Variants in BCAS3 observed in about 807,000 individuals in gnomAD.
BCAS3 encodes BCAS4/BCAS3 fusion.
In BCAS3, 53 loss-of-function variants were observed where a neutral mutation model predicts 116.1. That is an observed-to-expected ratio of 0.46 (90% CI 0.37 to 0.57). The LOEUF (loss-of-function observed/expected upper bound fraction) is 0.57. BCAS3 is among the 20% of genes least tolerant of loss of function. BCAS3 has a pLI of 0.00. For synonymous variants in BCAS3, 391 were observed against 408.2 expected, an observed-to-expected ratio of 0.96 and a Z score of 0.51; for missense variants, 917 against 1,165.4, an observed-to-expected ratio of 0.79 and a Z score of 3.10.
In BCAS3 at chr17:61,380,572, G is replaced by T. The variant is rs377743260; in HGVS notation, c.2594-11405G>T. 2 of 1,597,370 alleles carry T rather than the reference G, an allele frequency of 1.3e-6. No individual in the cohort carries two copies. The highest frequency in any genetic ancestry group is 1.7e-5 in the Admixed American group (1 of 59,980). On this transcript the variant is annotated intron_variant, in intron 23 of 23. Transcript: ENST00000407086. The surrounding 1 kb of genome is among the most constrained non-coding windows in gnomAD (Gnocchi z 4.2). ...AGACACGTGGCAGTGAAGTGTTTTGGTATGTAACGTCCTATCTTTGCCTAT... is the reference window on the plus strand; with the variant it reads ...AGACACGTGGCAGTGAAGTGTTTTGTTATGTAACGTCCTATCTTTGCCTAT...
rs1277948044 is a variant in BCAS3 at position 61,265,259 on chromosome 17, C to T, written c.2426-103068C>T. ...AGAAACCCTGTCTCTGCTAAAAATACAAAATTAGCCGGCATGGTGGCGCAT... is the reference window on the plus strand; with the variant it reads ...AGAAACCCTGTCTCTGCTAAAAATATAAAATTAGCCGGCATGGTGGCGCAT... On this transcript the variant is annotated intron_variant, in intron 22 of 23. Coordinates refer to ENST00000407086, the MANE Select transcript of BCAS3 (RefSeq NM_017679.5). The surrounding 1 kb of genome is among the most constrained non-coding windows in gnomAD (Gnocchi z 4.3). 1.3e-5 allele frequency among the ~76,000 whole-genome samples: 2 copies of T among 152,046 alleles called. No homozygotes were observed. The highest frequency in any genetic ancestry group is 2.1e-4 in the South Asian group (1 of 4,830).
In BCAS3 at chr17:60,901,694, A is replaced by T. The variant is rs180831105; in HGVS notation, c.739-926A>T. Among the ~76,000 whole-genome samples the T allele has an allele frequency of 7.9e-5, 12 of 152,334 alleles. 1 individual carries two copies. In the East Asian group the frequency reaches 2.3e-3, roughly 29 times the overall value. ...GTGATGAAGAAAATTTTGAATTAAGAATAAAAGGATTACATATCAGTCTTC... is the reference window on the plus strand; with the variant it reads ...GTGATGAAGAAAATTTTGAATTAAGTATAAAAGGATTACATATCAGTCTTC... On this transcript the variant is annotated intron_variant, in intron 10 of 23. Transcript: ENST00000407086.
intron 6 of BCAS3, among the ~76,000 whole-genome samples, chr17:60,754,144 T>G (rs764565970): frequency 1.3e-5 from 2 of 151,350 alleles, no homozygotes; most frequent in African/African-American, 2.4e-5. Flanking sequence ...CAAGTGATCC[T>G]CCTGCCTTGG....
intron 14 of BCAS3, among the ~76,000 whole-genome samples, chr17:60,984,207 G>C (rs8070812): frequency 0.82 from 124,382 of 152,218 alleles, 51,605 homozygotes; most frequent in East Asian, 1. Context: ...TGATGTTTGT[G>C]TAGCAGTTTT....
intron 22 of BCAS3, among the ~76,000 whole-genome samples, chr17:61,351,797 A>T (rs1006306542): frequency 6.6e-6 from 1 of 152,222 alleles, no homozygotes; most frequent in African/African-American, 2.4e-5. Context: ...GGCACAAGCA[A>T]CTGCTGCTTG....
rs2058053007 is a variant in BCAS3, at chr17:61,354,710, G to A, written c.2426-13617G>A. 6.6e-6 allele frequency: 1 copy of A among 152,240 alleles called. No individual in the cohort carries two copies. Among genetic ancestry groups the A allele is most frequent in the Non-Finnish European group, 1.5e-5 (1 of 68,048 alleles). The allele number at this position is 152,240 out of a possible 1,614,324, so 9.4% of individuals were successfully genotyped here. ...ATCTGGTACAGGTTTGTCCTTTGGA[G>A]TGAGAGCTCTTGGGTTTAGGTGGTT... On this transcript the variant is annotated intron_variant, in intron 22 of 23. Transcript: ENST00000407086. The surrounding 1 kb of genome is among the most constrained non-coding windows in gnomAD (Gnocchi z 4.5).
Position 61,220,408 on chromosome 17 carries a change from C to T in BCAS3, c.2425+135844C>T, listed in dbSNP as rs758121676. Among the ~76,000 whole-genome samples, 79 of 152,220 alleles carry T rather than the reference C, an allele frequency of 5.2e-4. No homozygotes were observed. The highest frequency in any genetic ancestry group is 9.3e-4 in the Non-Finnish European group (63 of 68,038). ...TATTTTCTATTTAATAGCTTGCCCA[C>T]ATTTTAGAGTTTACAGTTAATTAAT... On this transcript the variant is annotated intron_variant, in intron 22 of 23. Coordinates refer to ENST00000407086, the MANE Select transcript of BCAS3 (RefSeq NM_017679.5). The surrounding 1 kb of genome is among the most constrained non-coding windows in gnomAD (Gnocchi z 4.5).
chr17:61,050,398 C>T (rs868134482), intron 19 of BCAS3, among the ~76,000 whole-genome samples: 1 of 151,552 alleles, frequency 6.6e-6, no homozygotes, highest in Admixed American at 6.6e-5. Flanking sequence ...TGTGTGTGTA[C>T]CTACGCATGT....
chr17:60,984,221 G>C (rs569310893), intron 14 of BCAS3, among the ~76,000 whole-genome samples: 1 of 152,170 alleles, frequency 6.6e-6, no homozygotes, highest in Non-Finnish European at 1.5e-5. Context: ...CAGTTTTCTA[G>C]CAATGAAGTA....
At position 61,243,467 on chromosome 17, in the gene BCAS3, G is replaced by T. The variant is rs2047689918; in HGVS notation, c.2426-124860G>T. Among the ~76,000 whole-genome samples the T allele has an allele frequency of 6.6e-6, 1 of 152,150 alleles. No individual in the cohort carries two copies. The highest frequency in any genetic ancestry group is 1.5e-5 in the Non-Finnish European group (1 of 68,022). On this transcript the variant is annotated intron_variant, in intron 22 of 23. Transcript: ENST00000407086. This position sits in a 1 kb window ranked among gnomAD's most constrained non-coding sequence, Gnocchi z 5.6. ...CAGTGAAGTGGAGATACCTCTTCGA[G>T]ATCCACATTTCAGTTCCTTTTGATA...
intron 7 of BCAS3, among the ~76,000 whole-genome samples, chr17:60,826,592 A>G (rs1369138357): frequency 6.6e-6 from 1 of 152,200 alleles, no homozygotes; most frequent in Admixed American, 6.5e-5. Flanking sequence ...GTCTGATTCT[A>G]AACTTAAGAA....
chr17:61,024,468 A>G (rs1333724889), intron 16 of BCAS3, among the ~76,000 whole-genome samples: 1 of 152,090 alleles, frequency 6.6e-6, no homozygotes, highest in African/African-American at 2.4e-5. Flanking sequence ...AAGTGGGTCA[A>G]ATTGTGAATA....
intron 4 of BCAS3, among the ~76,000 whole-genome samples, chr17:60,691,122 G>C (rs1382276823): frequency 6.6e-6 from 1 of 151,802 alleles, no homozygotes; most frequent in Admixed American, 6.6e-5. Context: ...TAGTAGAGAC[G>C]AGGTTTCACC....
At position 61,258,303 on chromosome 17, in the gene BCAS3, T is replaced by G. The variant is rs1412856824; in HGVS notation, c.2426-110024T>G. Among the ~76,000 whole-genome samples the G allele has an allele frequency of 1.3e-5, 2 of 152,252 alleles. No individual in the cohort carries two copies. The highest frequency in any genetic ancestry group is 2.4e-5 in the African/African-American group (1 of 41,462). On this transcript the variant is annotated intron_variant, in intron 22 of 23. Coordinates refer to ENST00000407086, the MANE Select transcript of BCAS3 (RefSeq NM_017679.5). This position sits in a 1 kb window ranked among gnomAD's most constrained non-coding sequence, Gnocchi z 4.7. ...ATTTTCTTTCCTATCAGACTTTAAA[T>G]TCATTGTGGAAAGGGGTTGTTACTT...
chr17:61,209,410 C>T (rs1209927525), intron 22 of BCAS3, among the ~76,000 whole-genome samples: 1 of 152,146 alleles, frequency 6.6e-6, no homozygotes, highest in Non-Finnish European at 1.5e-5. Flanking sequence ...CTGTGTCCTC[C>T]ATTCACAGAG....
At chr17:60,935,421 A>G (rs1336218570) in intron 13 of BCAS3, among the ~76,000 whole-genome samples, 1 of 152,084 alleles carries the variant, frequency 6.6e-6, no homozygotes, top group African/African-American at 2.4e-5. Flanking sequence ...TGTTCCTTTG[A>G]TTGTTTCTAA....
intron 22 of BCAS3, chr17:61,157,549 CTT>C (rs1387488570): frequency 1.3e-5 from 2 of 149,654 alleles, no homozygotes; most frequent in Non-Finnish European, 3.0e-5. Flanking sequence ...TTTTTTCATT[CTT>C]GCCTCTCCTT....
chr17:60,710,906 G>T (rs1373963485), intron 5 of BCAS3, among the ~76,000 whole-genome samples: 1 of 150,446 alleles, frequency 6.6e-6, no homozygotes, highest in Non-Finnish European at 1.5e-5. Context: ...GGACTCAAGC[G>T]ATCCTCCCAC....
intron 4 of BCAS3, among the ~76,000 whole-genome samples, chr17:60,694,690 C>A (rs1324380978): frequency 1.3e-5 from 2 of 150,490 alleles, no homozygotes; most frequent in East Asian, 3.9e-4. Context: ...TGCTGTGTTG[C>A]CCAGGCTGAT....
Sources: gnomAD v4.1 joint callset for allele counts (sites outside exome capture counted in the v4.1 genomes callset) on GRCh38, gnomAD v4.1.1 for gene constraint, Gnocchi (gnomAD v3.1) non-coding constraint, MANE v1.5 for transcripts, NCBI Gene and HGNC (gene_info 2026-07-23, HGNC 2026-07-21) for gene names.